AP3B1: variants seen among roughly 807,000 people sequenced by gnomAD.
AP3B1 encodes AP-3 complex subunit beta-1.
AP3B1 carries 61 observed loss-of-function variants against 132.5 expected under a neutral mutation model. The ratio of observed to expected loss-of-function variants is 0.46; its 90% confidence interval spans 0.37 to 0.57. The LOEUF (loss-of-function observed/expected upper bound fraction) is 0.57, where lower values mean the gene tolerates loss of function less well. Ranked by LOEUF, AP3B1 falls within the 20% of genes least tolerant of loss-of-function variation. AP3B1 has a pLI of 0.00. For missense variants in AP3B1, 1,120 were observed against 1,289.4 expected (o/e 0.87, Z 2.01); for synonymous variants, 388 against 438.3 (o/e 0.89, Z 1.43).
intron 22 of AP3B1, chr5:78,089,149 T>C (rs953756689): frequency 5.3e-5 from 23 of 431,060 alleles, no homozygotes; most frequent in Non-Finnish European, 9.0e-5. Flanking sequence ...GTTACAGATA[T>C]ATAACAATAC....
intron 17 of AP3B1, among the ~76,000 whole-genome samples, chr5:78,119,321 C>A (rs1004079281): frequency 5.3e-5 from 8 of 152,178 alleles, no homozygotes; most frequent in Non-Finnish European, 8.8e-5. Flanking sequence ...TCACCAGCAA[C>A]AGAACAAAGC....
At chr5:78,211,366 C>T (rs1243445509) in intron 7 of AP3B1, among the ~76,000 whole-genome samples, 3 of 152,150 alleles carry the variant, frequency 2.0e-5, no homozygotes, top group Non-Finnish European at 2.9e-5. Context: ...TTTGTCAACA[C>T]TTAATTGTTC....
intron 14 of AP3B1, among the ~76,000 whole-genome samples, chr5:78,144,674 G>A (rs1370182954): frequency 2.0e-5 from 3 of 152,150 alleles, no homozygotes; most frequent in African/African-American, 7.2e-5. Context: ...GGCATCCTGT[G>A]AGGCATCTGG....
intron 14 of AP3B1, among the ~76,000 whole-genome samples, chr5:78,147,922 T>C (rs1355525981): frequency 1.3e-5 from 2 of 151,698 alleles, no homozygotes; most frequent in Non-Finnish European, 2.9e-5. Flanking sequence ...TAATCCCAAC[T>C]ACTCAGAGGC....
chr5:78,038,062 G>C (rs62362916), intron 23 of AP3B1, among the ~76,000 whole-genome samples: 8,160 of 152,232 alleles, frequency 0.054, 328 homozygotes, highest in Non-Finnish European at 0.079. Context: ...GGATGCGGTG[G>C]GCACAGAAGC....
chr5:78,175,767 G>C lies in AP3B1; in HGVS notation c.1095+17C>G. 1.2e-6 allele frequency: 2 copies of C among 1,610,910 alleles called. No individual in the cohort carries two copies. The highest frequency in any genetic ancestry group is 2.7e-5 in the African/African-American group (2 of 74,948). ...TGTTCATGTGTCTCTTAAATTACGT[G>C]TTCAGAACATACATACCTTTCTTTG... On this transcript the variant is annotated intron_variant, in intron 10 of 26. Coordinates refer to ENST00000255194, the MANE Select transcript of AP3B1 (RefSeq NM_003664.5).
At chr5:78,258,677 C>A (rs1747950181) in intron 2 of AP3B1, among the ~76,000 whole-genome samples, 1 of 152,218 alleles carries the variant, frequency 6.6e-6, no homozygotes, top group Non-Finnish European at 1.5e-5. Context: ...CATGACCCAG[C>A]AATCCCACTG....
chr5:78,189,222 A>C (rs532488843), intron 7 of AP3B1, among the ~76,000 whole-genome samples: 3 of 152,288 alleles, frequency 2.0e-5, no homozygotes, highest in Non-Finnish European at 4.4e-5. Context: ...GTACCCTGGA[A>C]CTTAAAAAAT....
intron 7 of AP3B1, among the ~76,000 whole-genome samples, chr5:78,205,927 A>G (rs1346580158): frequency 6.6e-6 from 1 of 152,146 alleles, no homozygotes; most frequent in Non-Finnish European, 1.5e-5. Context: ...TTATATGAAA[A>G]TGTATGAAGT....
chr5:78,120,494 G>C (rs1752123256), intron 17 of AP3B1, among the ~76,000 whole-genome samples: 1 of 152,182 alleles, frequency 6.6e-6, no homozygotes, highest in Admixed American at 6.5e-5. Flanking sequence ...AGGGATGGAG[G>C]AAGATCTACC....
chr5:78,080,572 G>C (rs1213957933), intron 22 of AP3B1, among the ~76,000 whole-genome samples: 4 of 144,222 alleles, frequency 2.8e-5, no homozygotes, highest in Non-Finnish European at 4.5e-5. Flanking sequence ...TATTCAACTA[G>C]AGTGAATATT....
intron 2 of AP3B1, 77 bp from the exon 3 acceptor site, chr5:78,241,013 G>T (rs900002387): frequency 1.7e-5 from 18 of 1,032,994 alleles, no homozygotes; most frequent in Non-Finnish European, 2.5e-5. Flanking sequence ...CAACAAATAA[G>T]CTACGTAATT....
At chr5:78,049,946 C>T (rs992466514) in intron 22 of AP3B1, among the ~76,000 whole-genome samples, 1 of 152,174 alleles carries the variant, frequency 6.6e-6, no homozygotes, top group Non-Finnish European at 1.5e-5. Flanking sequence ...AAAGTTGTAT[C>T]ATGTTACCCC....
At position 78,087,560 on chromosome 5, in the gene AP3B1, T is replaced by C. The variant is rs1015133232; in HGVS notation, c.2577+1833A>G. The C allele has an allele frequency of 4.1e-6, 4 of 985,466 alleles. No homozygotes were observed. In the Admixed American group the frequency reaches 2.5e-4, roughly 61 times the overall value. The allele number at this position is 985,466 out of a possible 1,614,324, so 61.0% of individuals were successfully genotyped here. On this transcript the variant is annotated intron_variant, in intron 22 of 26. Transcript: ENST00000255194. The stretch of plus-strand genomic sequence containing the variant: ...GTCATTCTTTTTAGCGCTACTTGTT[T>C]GATCATTTTGTTAGCTTTTGGGGAG...
chr5:78,161,275 GA>G lies in AP3B1; in HGVS notation c.1363+1543del, dbSNP rs199792628. ...ATCCAAAGCTTGAAATTTTCCATTA[GA>G]AAAAAAAAGTCAAAAAATAAAATTG... is the stretch of plus-strand genomic sequence containing the variant. On this transcript the variant is annotated intron_variant, in intron 13 of 26. Coordinates refer to ENST00000255194, the MANE Select transcript of AP3B1 (RefSeq NM_003664.5). Among the ~76,000 whole-genome samples, 264 of 150,336 alleles carry G rather than the reference GA, an allele frequency of 1.8e-3. 8 individuals are homozygous for G. The East Asian group carries it at 0.045, about 26-fold the overall frequency.
chr5:78,126,181 C>T (rs968211601), intron 17 of AP3B1, among the ~76,000 whole-genome samples: 8 of 151,702 alleles, frequency 5.3e-5, no homozygotes, highest in African/African-American at 1.9e-4. Flanking sequence ...ACAAAGAACA[C>T]TCTCTTTATA....
At chr5:78,291,651 T>C (rs1311625723) in intron 1 of AP3B1, among the ~76,000 whole-genome samples, 1 of 152,080 alleles carries the variant, frequency 6.6e-6, no homozygotes, top group Non-Finnish European at 1.5e-5. Context: ...TAATAGGCTT[T>C]GCAATCCTTA....
At chr5:78,089,818 C>T (rs1343479009) in intron 21 of AP3B1, among the ~76,000 whole-genome samples, 1 of 152,068 alleles carries the variant, frequency 6.6e-6, no homozygotes, top group Non-Finnish European at 1.5e-5. Context: ...AGTAAAGAAA[C>T]ATTTTTTTTC....
intron 22 of AP3B1, 182 bp downstream of exon 22, chr5:78,089,211 T>C: frequency 1.8e-6 from 1 of 547,170 alleles, no homozygotes; most frequent in South Asian, 2.1e-5. Flanking sequence ...GGGAAAAAAA[T>C]TGAGAAGATA....
Sources: gnomAD v4.1 joint callset for allele counts (sites outside exome capture counted in the v4.1 genomes callset) on GRCh38, gnomAD v4.1.1 for gene constraint, MANE v1.5 for transcripts, NCBI Gene and HGNC (gene_info 2026-07-23, HGNC 2026-07-21) for gene names.